The following NR2C2 variants were observed in gnomAD, a reference collection of about 807,000 sequenced individuals.
The protein encoded by NR2C2 is Nuclear hormone receptor TR4.
Under a neutral mutation model 62.9 loss-of-function variants are expected in NR2C2, and 6 were observed. That is an observed-to-expected ratio of 0.10 (90% CI 0.05 to 0.19). The LOEUF is 0.19. NR2C2 is among the 10% of genes least tolerant of loss of function. The pLI is 1.00. For synonymous variants in NR2C2, 272 were observed against 273.8 expected (o/e 0.99, Z 0.07); for missense variants, 479 against 762.7 (o/e 0.63, Z 4.38).
At position 15,038,014 on chromosome 3, in the gene NR2C2, G is replaced by A; in HGVS notation, c.1387G>A (p.Asp463Asn). 3.1e-6 allele frequency: 5 copies of A among 1,613,288 alleles called. No homozygotes were observed. Among genetic ancestry groups the A allele is most frequent in the Non-Finnish European group, 4.2e-6 (5 of 1,179,738 alleles). ...NSIQEDKLSG[D>N]RIKQVMEHIW... ...TTGGTTTCTAGATAAACTTTCTGGT[G>A]ACCGGATAAAGCAAGTCATGGAGCA... Residue 463 changes from aspartate to asparagine, a missense_variant, in exon 12 of 14, where the codon GAC becomes AAC. Coordinates refer to ENST00000425241, the MANE Select transcript of NR2C2 (RefSeq NM_001291694.2).
intron 1 of NR2C2, chr3:14,959,335 T>C (rs1397632664): frequency 6.6e-6 from 1 of 152,216 alleles, no homozygotes; most frequent in Non-Finnish European, 1.5e-5. Flanking sequence ...AAAAAGCCTT[T>C]GTCTTCCTTT....
At chr3:14,947,971 A>T (rs905527875) in intron 1 of NR2C2, 65 bp downstream of exon 1, 23 of 149,228 alleles carry the variant, frequency 1.5e-4, no homozygotes, top group African/African-American at 5.7e-4. Context: ...TGGCGCGCGG[A>T]CATGGAGGCG....
intron 2 of NR2C2, among the ~76,000 whole-genome samples, chr3:15,012,148 T>C (rs1003367932): frequency 6.6e-6 from 1 of 152,200 alleles, no homozygotes; most frequent in Non-Finnish European, 1.5e-5. Context: ...CAGCCAACAT[T>C]GTCTTATTTT....
At chr3:14,987,453 G>C (rs73145269) in intron 1 of NR2C2, among the ~76,000 whole-genome samples, 2,081 of 152,292 alleles carry the variant, frequency 0.014, 52 homozygotes, top group African/African-American at 0.047. Flanking sequence ...TAGAAAATAA[G>C]ATCATTCATA....
rs1052240673 is a variant in NR2C2 at position 15,049,056 on chromosome 3, A to T, written c.*6048A>T. 6.6e-6 allele frequency: 1 copy of T among 152,652 alleles called. No individual in the cohort carries two copies. Among genetic ancestry groups the T allele is most frequent in the Non-Finnish European group, 1.5e-5 (1 of 68,038 alleles). The allele number at this position is 152,652 out of a possible 1,614,324, so 9.5% of individuals were successfully genotyped here. On this transcript the variant is annotated 3_prime_UTR_variant, in exon 14 of 14. Coordinates refer to ENST00000425241, the MANE Select transcript of NR2C2 (RefSeq NM_001291694.2). Reference sequence around the variant, plus strand: ...TCACTTTGTTTATGTGATGGCATTTAAAAAATAGCATGTTCTTTTTAAACT... The same window carrying T: ...TCACTTTGTTTATGTGATGGCATTTTAAAAATAGCATGTTCTTTTTAAACT...
chr3:14,991,301 C>T (rs2040663393), intron 1 of NR2C2, among the ~76,000 whole-genome samples: 1 of 152,176 alleles, frequency 6.6e-6, no homozygotes, highest in Admixed American at 6.5e-5. Context: ...CCTTTGAGGA[C>T]TGGAACTGCA....
At chr3:14,976,161 A>T (rs2040197675) in intron 1 of NR2C2, among the ~76,000 whole-genome samples, 1 of 152,154 alleles carries the variant, frequency 6.6e-6, no homozygotes, top group Admixed American at 6.5e-5. Context: ...CCAGTGTGTC[A>T]GTGTGTAATT....
intron 2 of NR2C2, among the ~76,000 whole-genome samples, chr3:15,010,611 C>A (rs2041325768): frequency 6.6e-6 from 1 of 151,318 alleles, no homozygotes; most frequent in Non-Finnish European, 1.5e-5. Flanking sequence ...ACTCTGGAGG[C>A]TGAGATGGGA....
intron 1 of NR2C2, among the ~76,000 whole-genome samples, chr3:14,998,133 A>G (rs2040884890): frequency 6.6e-6 from 1 of 152,236 alleles, no homozygotes; most frequent in Non-Finnish European, 1.5e-5. Flanking sequence ...ATACTCCATT[A>G]CATGGATATA....
At chr3:15,002,734 C>T (rs1401314511) in intron 1 of NR2C2, among the ~76,000 whole-genome samples, 10 of 135,996 alleles carry the variant, frequency 7.4e-5, no homozygotes, top group Non-Finnish European at 1.4e-4. Flanking sequence ...TCTTGGCTCA[C>T]TGCAACCTCC....
chr3:14,951,661 T>C (rs573814393), intron 1 of NR2C2, among the ~76,000 whole-genome samples: 8 of 152,188 alleles, frequency 5.3e-5, no homozygotes, highest in East Asian at 1.9e-4. Flanking sequence ...ACAGTGACTT[T>C]TAAGTTTTGT....
In NR2C2 at chr3:15,032,280, T is replaced by C. The variant is rs529136673; in HGVS notation, c.1111-99T>C. ...TTCAGAATCAGACAGCAACTCTAGA[T>C]GCCACTGCTATTGAAGCATGACAGG... is the stretch of plus-strand genomic sequence containing the variant. On this transcript the variant is annotated intron_variant, in intron 9 of 13. Coordinates refer to ENST00000425241, the MANE Select transcript of NR2C2 (RefSeq NM_001291694.2). 4.9e-5 allele frequency: 75 copies of C among 1,528,068 alleles called. 1 individual carries two copies. The South Asian group carries it at 7.6e-4, about 15-fold the overall frequency. The allele number at this position is 1,528,068 out of a possible 1,614,324, so 94.7% of individuals were successfully genotyped here.
At chr3:15,000,400 CTTTA>C (rs1022927178) in intron 1 of NR2C2, among the ~76,000 whole-genome samples, 14 of 152,134 alleles carry the variant, frequency 9.2e-5, no homozygotes, top group Non-Finnish European at 1.9e-4. Context: ...ACCACATTTT[CTTTA>C]TTCATTCATC....
intron 1 of NR2C2, among the ~76,000 whole-genome samples, chr3:14,958,255 T>C (rs1432503294): frequency 1.3e-5 from 2 of 152,240 alleles, no homozygotes; most frequent in African/African-American, 4.8e-5. Context: ...GTTCATTGCC[T>C]AGTTCATAGC....
chr3:14,971,928 C>T (rs1454308007), intron 1 of NR2C2, among the ~76,000 whole-genome samples: 1 of 151,100 alleles, frequency 6.6e-6, no homozygotes, highest in Non-Finnish European at 1.5e-5. Flanking sequence ...CCTGCCTCAG[C>T]CTCCCGAGTA....
rs530752661 is a variant in NR2C2 at position 14,989,093 on chromosome 3, C to T, written c.-39-14783C>T. ...AGGTATAAAAACCAAGTAATGAGTC[C>T]CCATGTCCATCAGGGGGCTACAGCC... is the stretch of plus-strand genomic sequence containing the variant. On this transcript the variant is annotated intron_variant, in intron 1 of 13. Coordinates refer to ENST00000425241, the MANE Select transcript of NR2C2 (RefSeq NM_001291694.2). 4.6e-5 allele frequency among the ~76,000 whole-genome samples: 7 copies of T among 152,202 alleles called. No homozygotes were observed. The East Asian group carries it at 9.6e-4, about 21-fold the overall frequency.
At chr3:15,031,910 A>T (rs565877749) in intron 9 of NR2C2, among the ~76,000 whole-genome samples, 130 of 151,718 alleles carry the variant, frequency 8.6e-4, no homozygotes, top group African/African-American at 2.9e-3. Flanking sequence ...TGTATTTTTA[A>T]TAGAGACAGG....
intron 1 of NR2C2, among the ~76,000 whole-genome samples, chr3:14,988,719 CT>C (rs916437103): frequency 1.3e-5 from 2 of 152,050 alleles, no homozygotes; most frequent in Non-Finnish European, 2.9e-5. Flanking sequence ...ATCATCATCT[CT>C]TTTTTTTCCC....
intron 10 of NR2C2, among the ~76,000 whole-genome samples, chr3:15,034,149 GC>G (rs892857217): frequency 2.6e-5 from 4 of 152,246 alleles, no homozygotes; most frequent in Non-Finnish European, 5.9e-5. Flanking sequence ...GTAGAAGTTA[GC>G]CAGGGCAAGG....
Sources: allele counts gnomAD v4.1 joint callset (sites outside exome capture counted in the v4.1 genomes callset), GRCh38; gene constraint gnomAD v4.1.1; transcripts MANE v1.5; gene names NCBI Gene and HGNC (gene_info 2026-07-23, HGNC 2026-07-21).